ADAMTS16: variants seen among roughly 807,000 people sequenced by gnomAD.
ADAMTS16 encodes ADAM metallopeptidase with thrombospondin type 1 motif 16.
A neutral mutation model predicts 145.8 loss-of-function variants in ADAMTS16; 94 were observed. The observed-to-expected ratio is 0.64, with a 90% CI of 0.55 to 0.77. The LOEUF (loss-of-function observed/expected upper bound fraction) is 0.77, where lower values mean the gene tolerates loss of function less well. ADAMTS16 is among the 30% of genes least tolerant of loss of function. The pLI is 0.00. For missense variants in ADAMTS16, 1,585 were observed against 1,591.5 expected (o/e 1.00, Z 0.07); for synonymous variants, 659 against 604.3 (o/e 1.09, Z -1.33).
Position 5,239,230 on chromosome 5 carries a change from G to A in ADAMTS16, c.2234G>A (p.Cys745Tyr), listed in dbSNP as rs763756692. ...CGVCNGNNSA[C>Y]TIHRGLYTKH... ...GTGTGTAACGGGAATAACTCAGCCT[G>A]CACGATTCACAGGGGTCTCTACACC... The change falls in exon 15 of 23, where the codon TGC becomes TAC. Residue 745 changes from cysteine (C) to tyrosine (Y), a missense_variant. Physicochemically the swap from Cys to Tyr is radical, Grantham distance 194. This residue lies in a region of ADAMTS16 where 834 missense variants were observed against 811.7 expected (regional missense o/e 1.03). Coordinates refer to ENST00000274181, the MANE Select transcript of ADAMTS16 (RefSeq NM_139056.4). 2 of 1,602,080 alleles carry A rather than the reference G, an allele frequency of 1.2e-6. No homozygotes were observed. Among genetic ancestry groups the A allele is most frequent in the South Asian group, 1.1e-5 (1 of 88,916 alleles).
At chr5:5,184,167 C>T (rs1735429356) in intron 4 of ADAMTS16, among the ~76,000 whole-genome samples, 1 of 152,076 alleles carries the variant, frequency 6.6e-6, no homozygotes. Flanking sequence ...GTGTCACCTG[C>T]TCATGGACGC....
rs746463811 is a variant in ADAMTS16 at position 5,239,707 on chromosome 5, T to G, written c.2305T>G (p.Ser769Ala). 14 of 1,614,176 alleles carry G rather than the reference T, an allele frequency of 8.7e-6. No individual in the cohort carries two copies. Among genetic ancestry groups the G allele is most frequent in the Middle Eastern group, 1.6e-4 (1 of 6,062 alleles). The part of the protein sequence containing the change: ...NQYYHMVTIP[S>A]GARSIRIYEM... ...GTATTATCACATGGTCACCATTCCT[T>G]CTGGAGCCCGGAGTATCCGCATCTA... Residue 769 changes from serine to alanine, a missense_variant, in exon 16 of 23, where the codon TCT (serine) becomes GCT (alanine). Around this residue, in one of 3 missense-constraint regions of ADAMTS16, gnomAD observed 834 missense variants for 811.7 expected, o/e 1.03. Transcript: ENST00000274181.
chr5:5,187,756 G>A lies in ADAMTS16; in HGVS notation c.995G>A (p.Gly332Glu). 4 of 1,612,722 alleles carry A rather than the reference G, an allele frequency of 2.5e-6. No homozygotes were observed. Among genetic ancestry groups the A allele is most frequent in the Non-Finnish European group, 3.4e-6 (4 of 1,178,926 alleles). ...VSALFKDGTIGGNINIAIVGL... is the reference protein window; with the variant it reads ...VSALFKDGTIEGNINIAIVGL... ...GCTTTATTCAAAGATGGAACAATAG[G>A]AGGAAACATCAACATTGCAATTGTA... The change falls in exon 6 of 23, where the codon GGA (glycine) becomes GAA (glutamate). Residue 332 changes from glycine (G) to glutamate (E), a missense_variant. This residue lies in a region of ADAMTS16 where 298 missense variants were observed against 367.6 expected (regional missense o/e 0.81). Coordinates refer to ENST00000274181, the MANE Select transcript of ADAMTS16 (RefSeq NM_139056.4).
At chr5:5,315,330 T>C (rs1734009727) in intron 21 of ADAMTS16, among the ~76,000 whole-genome samples, 1 of 152,140 alleles carries the variant, frequency 6.6e-6, no homozygotes, top group Middle Eastern at 3.2e-3. Context: ...CAGTTCAAGA[T>C]GTGATTTGGG....
chr5:5,189,597 A>G (rs1735601344), intron 6 of ADAMTS16, among the ~76,000 whole-genome samples: 1 of 152,218 alleles, frequency 6.6e-6, no homozygotes, highest in South Asian at 2.1e-4. Flanking sequence ...GTGTTTTTGT[A>G]TATGTATGTA....
chr5:5,218,945 A>G (rs954212437), intron 10 of ADAMTS16, among the ~76,000 whole-genome samples: 1 of 152,162 alleles, frequency 6.6e-6, no homozygotes, highest in African/African-American at 2.4e-5. Flanking sequence ...GACCACGTTC[A>G]GCCACTGTGT....
chr5:5,250,413 G>A (rs1340646812), intron 17 of ADAMTS16, among the ~76,000 whole-genome samples: 1 of 152,130 alleles, frequency 6.6e-6, no homozygotes, highest in East Asian at 1.9e-4. Flanking sequence ...CAGATTTTCA[G>A]GTTCTCCAAC....
intron 17 of ADAMTS16, among the ~76,000 whole-genome samples, chr5:5,256,848 G>T (rs1043375007): frequency 6.6e-6 from 1 of 152,158 alleles, no homozygotes; most frequent in South Asian, 2.1e-4. Flanking sequence ...AAAGCCGTAA[G>T]AGTTTGGTTA....
Position 5,142,695 on chromosome 5 carries a change from C to T in ADAMTS16, c.175+1929C>T, listed in dbSNP as rs184237902. 3.2e-3 allele frequency among the ~76,000 whole-genome samples: 485 copies of T among 152,054 alleles called. 5 individuals are homozygous for T. The highest frequency in any genetic ancestry group is 0.011 in the African/African-American group (450 of 41,476). On this transcript the variant is annotated intron_variant, in intron 2 of 22. Coordinates refer to ENST00000274181, the MANE Select transcript of ADAMTS16 (RefSeq NM_139056.4). ...TAGCCATACATTTTGTTTAAAGTAG[C>T]GCATGACTCAAACTATTATTGCAAA...
At position 5,250,709 on chromosome 5, in the gene ADAMTS16, C is replaced by CTGTGTG. The variant is rs66744630; in HGVS notation, c.2662+8541_2662+8546dup. Among the ~76,000 whole-genome samples the CTGTGTG allele has an allele frequency of 6.9e-4, 85 of 123,028 alleles. 1 individual carries two copies. The highest frequency in any genetic ancestry group is 2.4e-3 in the African/African-American group (82 of 34,522). 80.7% of individuals were successfully genotyped at this position (123,028 alleles called of 152,430 possible). ...TCATCACCCTGTCTGTCTCTTCTCT[C>CTGTGTG]TGTGTGTGTGTGTGTGTGTGTGTGT... is the stretch of plus-strand genomic sequence containing the variant. On this transcript the variant is annotated intron_variant, in intron 17 of 22. Coordinates refer to ENST00000274181, the MANE Select transcript of ADAMTS16 (RefSeq NM_139056.4).
intron 21 of ADAMTS16, among the ~76,000 whole-genome samples, chr5:5,313,221 A>G (rs994768643): frequency 7.9e-5 from 12 of 152,162 alleles, no homozygotes; most frequent in African/African-American, 2.9e-4. Flanking sequence ...TGTGTTTACC[A>G]TAGCACTTGT....
At chr5:5,190,718 T>A (rs1326505657) in intron 7 of ADAMTS16, among the ~76,000 whole-genome samples, 5 of 152,144 alleles carry the variant, frequency 3.3e-5, no homozygotes, top group South Asian at 4.1e-4. Flanking sequence ...TTTTTGTTTA[T>A]AAAAACTTTC....
intron 3 of ADAMTS16, among the ~76,000 whole-genome samples, chr5:5,178,387 C>T (rs558153424): frequency 1.6e-4 from 25 of 152,302 alleles, no homozygotes; most frequent in African/African-American, 5.5e-4. Flanking sequence ...GGCAGGTTCC[C>T]CTAGACATTT....
chr5:5,149,198 A>C (rs963287963), intron 3 of ADAMTS16, among the ~76,000 whole-genome samples: 2 of 152,224 alleles, frequency 1.3e-5, no homozygotes, highest in African/African-American at 4.8e-5. Context: ...GCCACCAAGT[A>C]TCTTGACTTA....
intron 18 of ADAMTS16, among the ~76,000 whole-genome samples, chr5:5,263,951 C>G (rs576038281): frequency 1.3e-5 from 2 of 151,966 alleles, no homozygotes; most frequent in African/African-American, 4.8e-5. Context: ...TTTTATCAAG[C>G]GATAAAAATA....
At chr5:5,279,137 G>T (rs1738804956) in intron 18 of ADAMTS16, among the ~76,000 whole-genome samples, 2 of 152,106 alleles carry the variant, frequency 1.3e-5, no homozygotes, top group Non-Finnish European at 2.9e-5. Flanking sequence ...CCTTGTTCCA[G>T]CCCAGGCCTG....
chr5:5,210,601 G>A (rs1027144086), intron 10 of ADAMTS16, among the ~76,000 whole-genome samples: 1 of 152,028 alleles, frequency 6.6e-6, no homozygotes, highest in Non-Finnish European at 1.5e-5. Flanking sequence ...ATTGCTAAAT[G>A]TTGCCTGCTC....
rs774304716 is a variant in ADAMTS16 at position 5,140,552 on chromosome 5, C to A, written c.72+13C>A. Reference sequence around the variant, plus strand: ...GGTGGCCGAGCAGGTGAGTCCCGGGCGCTCCCACCAGCGCGGAAACCGCGG... The same window carrying A: ...GGTGGCCGAGCAGGTGAGTCCCGGGAGCTCCCACCAGCGCGGAAACCGCGG... On this transcript the variant is annotated intron_variant, in intron 1 of 22. Transcript: ENST00000274181. 20 of 1,503,968 alleles carry A rather than the reference C, an allele frequency of 1.3e-5. No individual in the cohort carries two copies. The highest frequency in any genetic ancestry group is 1.4e-5 in the African/African-American group (1 of 69,600). The allele number at this position is 1,503,968 out of a possible 1,614,324, so 93.2% of individuals were successfully genotyped here.
At position 5,224,160 on chromosome 5, in the gene ADAMTS16, CT is replaced by C. The variant is rs78444974; in HGVS notation, c.1701+1285del. 2.9e-4 allele frequency among the ~76,000 whole-genome samples: 44 copies of C among 150,568 alleles called. No homozygotes were observed. In the East Asian group the frequency reaches 6.8e-3, roughly 23 times the overall value. ...TCATTCTGGACACATTGCTAATATG[CT>C]TTTTTTTTCAGTTCCTCGAAGGGCG... is the stretch of plus-strand genomic sequence containing the variant. On this transcript the variant is annotated intron_variant, in intron 11 of 22. Transcript: ENST00000274181.
Sources: allele counts gnomAD v4.1 joint callset (sites outside exome capture counted in the v4.1 genomes callset), GRCh38; gene constraint gnomAD v4.1.1; regional missense constraint gnomAD v4.1.1; transcripts MANE v1.5; gene names NCBI Gene and HGNC (gene_info 2026-07-23, HGNC 2026-07-21).